BMAL2: variants seen among roughly 807,000 people sequenced by gnomAD.
BMAL2 encodes the protein basic helix-loop-helix ARNT-like protein 2.
chr12:27,352,401 C>T, the BMAL2 span, among the ~76,000 whole-genome samples: 19,019 of 152,216 alleles, frequency 0.12, 1,386 homozygotes, highest in Non-Finnish European at 0.17. Flanking sequence ...AACTAGGCAT[C>T]GAAGGAACAT....
chr12:27,377,000 CAAAAAAA>C, the BMAL2 span, among the ~76,000 whole-genome samples: 5 of 91,726 alleles, frequency 5.5e-5, no homozygotes, highest in South Asian at 4.2e-4. Flanking sequence ...AACTCCGTCT[CAAAAAAA>C]AAAAAAAAAA....
At chr12:27,410,484 C>A in the BMAL2 span, among the ~76,000 whole-genome samples, 14 of 152,114 alleles carry the variant, frequency 9.2e-5, no homozygotes, top group Non-Finnish European at 1.8e-4. Flanking sequence ...TCTCAGCAAA[C>A]TATGGCAAGG....
At chr12:27,404,628 A>G in the BMAL2 span, among the ~76,000 whole-genome samples, 1 of 152,230 alleles carries the variant, frequency 6.6e-6, no homozygotes, top group African/African-American at 2.4e-5. Context: ...GGGTGGAGCC[A>G]AGATGGCCGA....
the BMAL2 span, among the ~76,000 whole-genome samples, chr12:27,381,363 C>T: frequency 4.7e-5 from 7 of 150,508 alleles, no homozygotes; most frequent in Admixed American, 2.6e-4. Context: ...AATTGGCTCC[C>T]GGTTCCACAG....
chr12:27,417,233 G>A, the BMAL2 span, among the ~76,000 whole-genome samples: 17 of 152,228 alleles, frequency 1.1e-4, no homozygotes, highest in African/African-American at 4.1e-4. Context: ...AGATTGTTTG[G>A]CCTGTAACTA....
At chr12:27,380,290 A>C in the BMAL2 span, 1 of 1,614,210 alleles carries the variant, frequency 6.2e-7, no homozygotes. Context: ...AGATAAAATG[A>C]ATAACCTGAT....
the BMAL2 span, among the ~76,000 whole-genome samples, chr12:27,366,354 A>T: frequency 6.6e-6 from 1 of 152,140 alleles, no homozygotes; most frequent in African/African-American, 2.4e-5. Context: ...TAAATCTTCC[A>T]TATCATTATT....
At chr12:27,346,241 G>A in the BMAL2 span, among the ~76,000 whole-genome samples, 3 of 152,038 alleles carry the variant, frequency 2.0e-5, no homozygotes, top group African/African-American at 7.2e-5. Flanking sequence ...TGAATGTGAT[G>A]ATTAAACCTT....
At chr12:27,403,588 T>A in the BMAL2 span, 1 of 1,222,520 alleles carries the variant, frequency 8.2e-7, no homozygotes, top group Non-Finnish European at 1.2e-6. Context: ...AAATATCATA[T>A]TTATAAAATC....
chr12:27,401,737 C>T, the BMAL2 span: 6 of 1,241,844 alleles, frequency 4.8e-6, no homozygotes, highest in Non-Finnish European at 6.7e-6. Flanking sequence ...TGCTTTTCTC[C>T]TCTCATCTTG....
At chr12:27,402,454 T>C in the BMAL2 span, among the ~76,000 whole-genome samples, 43 of 152,202 alleles carry the variant, frequency 2.8e-4, no homozygotes, top group Admixed American at 1.3e-4. Context: ...CCATGATACT[T>C]AGCACATTAA....
the BMAL2 span, among the ~76,000 whole-genome samples, chr12:27,358,280 CAT>C: frequency 1.9e-4 from 29 of 152,180 alleles, no homozygotes; most frequent in African/African-American, 6.7e-4. Flanking sequence ...GGCCAACAAA[CAT>C]ATGAAGAAAT....
chr12:27,370,277 G>A, the BMAL2 span: 1 of 1,434,856 alleles, frequency 7.0e-7, no homozygotes, highest in East Asian at 2.3e-5. Flanking sequence ...TACTTGAAGA[G>A]GGCATAGAGT....
At chr12:27,391,039 T>G in the BMAL2 span, among the ~76,000 whole-genome samples, 1 of 152,366 alleles carries the variant, frequency 6.6e-6, no homozygotes, top group Admixed American at 6.5e-5. Flanking sequence ...CTAAGTGTTT[T>G]AATCCTCATG....
the BMAL2 span, among the ~76,000 whole-genome samples, chr12:27,390,811 C>G: frequency 6.6e-6 from 1 of 152,092 alleles, no homozygotes; most frequent in Admixed American, 6.6e-5. Context: ...TACAAAATGT[C>G]TCATGACTTT....
the BMAL2 span, among the ~76,000 whole-genome samples, chr12:27,403,765 T>C: frequency 6.6e-6 from 1 of 152,086 alleles, no homozygotes; most frequent in African/African-American, 2.4e-5. Context: ...AAAAGATAAC[T>C]CATATAACTT....
At chr12:27,402,130 G>C in the BMAL2 span, among the ~76,000 whole-genome samples, 8 of 152,106 alleles carry the variant, frequency 5.3e-5, no homozygotes, top group Non-Finnish European at 1.5e-5. Context: ...AGCAAGCTCT[G>C]GTCTGTAGCT....
chr12:27,383,402 C>T, the BMAL2 span, among the ~76,000 whole-genome samples: 678 of 152,110 alleles, frequency 4.5e-3, 2 homozygotes, highest in Non-Finnish European at 7.1e-3. Flanking sequence ...CATGTTGCCT[C>T]GTTGGTTTTT....
chr12:27,418,552 C>G, the BMAL2 span, among the ~76,000 whole-genome samples: 1 of 152,020 alleles, frequency 6.6e-6, no homozygotes, highest in South Asian at 2.1e-4. Context: ...CTGCAGTGAG[C>G]TGTAATTGTA....
Sources: allele counts gnomAD v4.1 joint callset (sites outside exome capture counted in the v4.1 genomes callset), GRCh38; gene constraint gnomAD v4.1.1; transcripts MANE v1.5; gene names NCBI Gene and HGNC (gene_info 2026-07-23, HGNC 2026-07-21).